The following MMP26 variants were observed in gnomAD, a reference collection of about 807,000 sequenced individuals.
MMP26 encodes the protein matrix metalloproteinase-26.
MMP26 carries 33 observed loss-of-function variants against 31.0 expected under a neutral mutation model. That is an observed-to-expected ratio of 1.06 (90% confidence interval 0.81 to 1.42). The LOEUF is 1.42. MMP26 is among the 40% of genes most tolerant of loss of function. The pLI is 0.00. For missense variants in MMP26, 347 were observed against 316.1 expected, an observed-to-expected ratio of 1.10 and a Z score of -0.74; for synonymous variants, 122 against 114.9, an observed-to-expected ratio of 1.06 and a Z score of -0.40.
At chr11:4,882,198 T>A (rs1410734215) in intron 2 of MMP26, 1 of 1,613,876 alleles carries the variant, frequency 6.2e-7, no homozygotes, top group African/African-American at 1.3e-5. Flanking sequence ...AAAGCTTGCT[T>A]CATTCAAATG....
intron 2 of MMP26, among the ~76,000 whole-genome samples, chr11:4,970,045 A>G (rs1846645164): frequency 6.6e-6 from 1 of 152,294 alleles, no homozygotes; most frequent in African/African-American, 2.4e-5. Flanking sequence ...TCTACATAAC[A>G]TGTTTACATG....
In MMP26 at chr11:4,724,207, G is replaced by A. The variant is rs529511564; in HGVS notation, c.-217+19162G>A. On this transcript the variant is annotated intron_variant, in intron 1 of 7. Coordinates refer to ENST00000380390, the MANE Select transcript of MMP26 (RefSeq NM_021801.5). ...AGGAGTGGAGGCAGGCGATGGGCCT[G>A]TGAACCAGGTGGATGGGCCTTTGAT... The A allele has an allele frequency of 6.5e-5, 32 of 488,814 alleles. 2 individuals carry two copies. The highest frequency in any genetic ancestry group is 4.9e-4 in the African/African-American group (25 of 51,402). 30.3% of individuals were successfully genotyped at this position (488,814 alleles called of 1,614,324 possible).
chr11:4,796,313 C>A (rs1287518711), intron 2 of MMP26, among the ~76,000 whole-genome samples: 1 of 152,204 alleles, frequency 6.6e-6, no homozygotes, highest in Non-Finnish European at 1.5e-5. Context: ...ATAAACATTA[C>A]CTCTTTAGGG....
intron 2 of MMP26, among the ~76,000 whole-genome samples, chr11:4,772,839 T>C (rs1848743921): frequency 6.6e-6 from 1 of 152,192 alleles, no homozygotes; most frequent in Non-Finnish European, 1.5e-5. Context: ...TAGGTATCAA[T>C]AATACCAGTA....
intron 2 of MMP26, chr11:4,915,179 A>G (rs749494261): frequency 3.1e-6 from 5 of 1,614,056 alleles, no homozygotes; most frequent in Non-Finnish European, 3.4e-6. Context: ...AGGTAATGGA[A>G]AAATGAGTGC....
chr11:4,857,624 A>G (rs956158817), intron 2 of MMP26, among the ~76,000 whole-genome samples: 1 of 152,316 alleles, frequency 6.6e-6, no homozygotes, highest in East Asian at 1.9e-4. Context: ...AGAGGGATTC[A>G]CAGCCGAATT....
chr11:4,791,385 A>G (rs1007569987), intron 2 of MMP26, among the ~76,000 whole-genome samples: 3 of 152,120 alleles, frequency 2.0e-5, no homozygotes, highest in Non-Finnish European at 4.4e-5. Context: ...TCTATAACCC[A>G]TCATTTAAGA....
intron 2 of MMP26, among the ~76,000 whole-genome samples, chr11:4,858,691 ATG>A (rs1850095234): frequency 6.6e-6 from 1 of 152,180 alleles, no homozygotes. Flanking sequence ...CAAGCTACCA[ATG>A]GCTTTCTTCA....
intron 2 of MMP26, among the ~76,000 whole-genome samples, chr11:4,930,117 GATT>G (rs1851326037): frequency 6.6e-6 from 1 of 152,006 alleles, no homozygotes; most frequent in African/African-American, 2.4e-5. Context: ...TTGTGGCAAA[GATT>G]ATATTAATTT....
chr11:4,853,408 T>TA (rs936489355), intron 2 of MMP26, among the ~76,000 whole-genome samples: 4 of 151,568 alleles, frequency 2.6e-5, no homozygotes, highest in Non-Finnish European at 4.4e-5. Flanking sequence ...GGAATAAAAT[T>TA]AAAAAAACAA....
chr11:4,820,410 A>G (rs1484938879), intron 2 of MMP26, among the ~76,000 whole-genome samples: 4 of 151,998 alleles, frequency 2.6e-5, no homozygotes, highest in Admixed American at 2.0e-4. Context: ...TTTTATTTTG[A>G]TACTAGTCTG....
intron 1 of MMP26, among the ~76,000 whole-genome samples, chr11:4,749,044 C>A (rs547088171): frequency 9.2e-5 from 14 of 152,090 alleles, no homozygotes; most frequent in Middle Eastern, 3.4e-3. Context: ...CTAGAAAATT[C>A]TAAAGACTCC....
chr11:4,806,114 C>A (rs1460978628), intron 2 of MMP26, among the ~76,000 whole-genome samples: 4 of 152,084 alleles, frequency 2.6e-5, no homozygotes, highest in Admixed American at 2.0e-4. Flanking sequence ...ATTTCTCTTA[C>A]ATTTGCTGAG....
intron 2 of MMP26, chr11:4,787,153 TATGCTACC>T (rs1319650010): frequency 6.5e-6 from 1 of 153,254 alleles, no homozygotes. Context: ...ACCCCTCAGA[TATGCTACC>T]ATCCTGACAG....
chr11:4,935,867 G>T (rs1324158733), intron 2 of MMP26, among the ~76,000 whole-genome samples: 1 of 150,376 alleles, frequency 6.6e-6, no homozygotes, highest in Admixed American at 6.7e-5. Context: ...CTGTTTATAT[G>T]CTGGATTACA....
Position 4,953,002 on chromosome 11 carries a change from G to A in MMP26, c.-144-35066G>A, listed in dbSNP as rs1178959734. On this transcript the variant is annotated intron_variant, in intron 2 of 7. Coordinates refer to ENST00000380390, the MANE Select transcript of MMP26 (RefSeq NM_021801.5). ...GTTGATGGAAATGACTTGATTCAAC[G>A]AGTGGGTAAAATGAAAAGGCTAAAG... Among the ~76,000 whole-genome samples the A allele has an allele frequency of 2.4e-5, 3 of 124,204 alleles. 1 individual carries two copies. The highest frequency in any genetic ancestry group is 8.2e-5 in the African/African-American group (3 of 36,516). 81.5% of individuals were successfully genotyped at this position (124,204 alleles called of 152,430 possible). A position where few individuals can be genotyped will look rare whatever the true frequency, so the allele number is the denominator to read the frequency against.
chr11:4,755,458 T>C (rs1030205901), intron 1 of MMP26, among the ~76,000 whole-genome samples: 4 of 152,044 alleles, frequency 2.6e-5, no homozygotes, highest in African/African-American at 9.7e-5. Context: ...CATTTATTTT[T>C]ATAGGATGCT....
In MMP26 at chr11:4,710,711, A is replaced by G. The variant is rs375065294; in HGVS notation, c.-217+5666A>G. 5.0e-4 allele frequency: 162 copies of G among 325,552 alleles called. 1 individual carries two copies. Among genetic ancestry groups the G allele is most frequent in the Middle Eastern group, 3.3e-3 (3 of 922 alleles). The allele number at this position is 325,552 out of a possible 1,614,324, so 20.2% of individuals were successfully genotyped here. On this transcript the variant is annotated intron_variant, in intron 1 of 7. Coordinates refer to ENST00000380390, the MANE Select transcript of MMP26 (RefSeq NM_021801.5). ...GGCAGAGATTATGTCGGTACTTCTG[A>G]TCCTTTCATGAATACTGAACCTAGC...
intron 2 of MMP26, among the ~76,000 whole-genome samples, chr11:4,887,172 C>T (rs1239952463): frequency 1.3e-5 from 2 of 151,818 alleles, no homozygotes; most frequent in Non-Finnish European, 2.9e-5. Flanking sequence ...GAGTAAACTG[C>T]ACAATTTTAC....
Sources: gnomAD v4.1 joint callset for allele counts (sites outside exome capture counted in the v4.1 genomes callset) on GRCh38, gnomAD v4.1.1 for gene constraint, MANE v1.5 for transcripts, NCBI Gene and HGNC (gene_info 2026-07-23, HGNC 2026-07-21) for gene names.